Variants in NLRC5 observed in about 807,000 individuals in gnomAD.
The protein encoded by NLRC5 is NLR family CARD domain containing 5, also known as protein NLRC5.
In NLRC5, 114 loss-of-function variants were observed where a neutral mutation model predicts 206.9. That is an observed-to-expected ratio of 0.55 (90% confidence interval 0.47 to 0.64). NLRC5 has a LOEUF of 0.64. Among genes scored for constraint, NLRC5 ranks in the 30% least tolerant of loss-of-function variants. NLRC5 has a pLI of 0.00. For synonymous variants in NLRC5, 952 were observed against 962.8 expected (o/e 0.99, Z 0.21); for missense variants, 2,008 against 2,305.5 (o/e 0.87, Z 2.64).
Position 57,028,144 on chromosome 16 carries a change from G to A in NLRC5, c.2148G>A (p.Leu716=). Reference sequence around the variant, plus strand: ...GGAGCTTGCCGACAATGGGGAGGCTGCAGATGCTGGGGTGAGCCAGGCCTT... The same window carrying A: ...GGAGCTTGCCGACAATGGGGAGGCTACAGATGCTGGGGTGAGCCAGGCCTT... ...LSRSLPTMGR[L]QMLGLAGSKI... Residue 716 remains leucine, a synonymous_variant, in exon 7 of 49, where the codon CTG becomes CTA. Transcript: ENST00000688547. 1.2e-6 allele frequency: 2 copies of A among 1,613,182 alleles called. No homozygotes were observed. Among genetic ancestry groups the A allele is most frequent in the Non-Finnish European group, 1.7e-6 (2 of 1,179,390 alleles).
In NLRC5 at chr16:57,025,485, T is replaced by C; in HGVS notation, c.542T>C (p.Leu181Pro). 1.2e-6 allele frequency: 2 copies of C among 1,613,186 alleles called. No homozygotes were observed. The highest frequency in any genetic ancestry group is 1.7e-6 in the Non-Finnish European group (2 of 1,179,510). The change falls in exon 6 of 49, where the codon CTG (leucine) becomes CCG (proline). Residue 181 changes from leucine to proline, a missense_variant. Transcript: ENST00000688547. ...AFHQVYVPPI[L>P]RRATASLDTP... ...CACCAGGTCTATGTCCCTCCAATCC[T>C]GCGCCGGGCCACAGCATCCTTAGAC...
chr16:57,026,969 C>T lies in NLRC5; in HGVS notation c.2026C>T (p.Pro676Ser). Reference protein sequence around the residue: ...HLDFDGCPLEPHCPEALVGCG... With the variant: ...HLDFDGCPLESHCPEALVGCG... ...GGATTTTGATGGCTGTCCCCTGGAG[C>T]CCCACTGCCCTGAGGCTCTGGTAGG... is the stretch of plus-strand genomic sequence containing the variant. Residue 676 changes from proline to serine, a missense_variant, in exon 6 of 49, where the codon CCC becomes TCC. Physicochemically the swap from Pro to Ser is moderately conservative, Grantham distance 74. Coordinates refer to ENST00000688547, the MANE Select transcript of NLRC5 (RefSeq NM_001384950.1). 1.2e-6 allele frequency: 2 copies of T among 1,614,156 alleles called. No individual in the cohort carries two copies. The highest frequency in any genetic ancestry group is 2.2e-5 in the South Asian group (2 of 91,084).
chr16:57,002,544 A>G (rs1354032994), intron 1 of NLRC5, among the ~76,000 whole-genome samples: 1 of 152,202 alleles, frequency 6.6e-6, no homozygotes, highest in African/African-American at 2.4e-5. Context: ...ATAGTAGTGC[A>G]GATATCTCTT....
Position 57,074,610 on chromosome 16 carries a change from C to T in NLRC5, c.4678C>T (p.Leu1560Phe). 6.2e-7 allele frequency: 1 copy of T among 1,613,974 alleles called. No homozygotes were observed. Among genetic ancestry groups the T allele is most frequent in the Non-Finnish European group, 8.5e-7 (1 of 1,179,844 alleles). ...WMLKRLDLSH[L>F]LLNSSTLALL... Reference sequence around the variant, plus strand: ...CCTCCTCTTCTCCAGCCTCAGTCACCTTCTGCTGAACAGCTCCACCTTGGC... The same window carrying T: ...CCTCCTCTTCTCCAGCCTCAGTCACTTTCTGCTGAACAGCTCCACCTTGGC... The change falls in exon 39 of 49, where the codon CTT becomes TTT. Residue 1560 changes from leucine to phenylalanine, a missense_variant. Leu to Phe is a conservative substitution (Grantham distance 22). Coordinates refer to ENST00000688547, the MANE Select transcript of NLRC5 (RefSeq NM_001384950.1).
intron 1 of NLRC5, among the ~76,000 whole-genome samples, chr16:57,007,936 T>C (rs1175699174): frequency 6.6e-6 from 1 of 152,248 alleles, no homozygotes; most frequent in Non-Finnish European, 1.5e-5. Flanking sequence ...CAATTTGTCA[T>C]CTGGCTTTTG....
At chr16:57,060,388 C>T (rs1299485858) in intron 30 of NLRC5, among the ~76,000 whole-genome samples, 1 of 151,692 alleles carries the variant, frequency 6.6e-6, no homozygotes, top group African/African-American at 2.4e-5. Flanking sequence ...TACACACCAA[C>T]CCATATACCA....
chr16:57,046,746 A>C lies in NLRC5; in HGVS notation c.3338+105A>C, dbSNP rs536007978. Reference sequence around the variant, plus strand: ...AGGGCTGGGGATTGGGATAGAGGGAAGAGAGGGAGTTTAAGAGAAAAGGAA... The same window carrying C: ...AGGGCTGGGGATTGGGATAGAGGGACGAGAGGGAGTTTAAGAGAAAAGGAA... On this transcript the variant is annotated intron_variant, in intron 22 of 48. Coordinates refer to ENST00000688547, the MANE Select transcript of NLRC5 (RefSeq NM_001384950.1). The C allele has an allele frequency of 3.0e-5, 27 of 897,306 alleles. No homozygotes were observed. The African/African-American group carries it at 4.2e-4, about 14-fold the overall frequency. 55.6% of individuals were successfully genotyped at this position (897,306 alleles called of 1,614,324 possible).
At chr16:57,076,413 C>T (rs1567646683) in intron 39 of NLRC5, among the ~76,000 whole-genome samples, 1 of 152,240 alleles carries the variant, frequency 6.6e-6, no homozygotes, top group Non-Finnish European at 1.5e-5. Flanking sequence ...ACATATGCCC[C>T]TGAGAACTGA....
chr16:56,999,970 G>A (rs1364932332), intron 1 of NLRC5, among the ~76,000 whole-genome samples: 1 of 149,514 alleles, frequency 6.7e-6, no homozygotes, highest in Non-Finnish European at 1.5e-5. Flanking sequence ...GCCAGTGCCT[G>A]CGTTCTACCT....
At chr16:57,080,481 ATTTT>A (rs34595999) in intron 46 of NLRC5, among the ~76,000 whole-genome samples, 7 of 111,168 alleles carry the variant, frequency 6.3e-5, no homozygotes, top group African/African-American at 2.0e-4. Flanking sequence ...TCCTTTCAAG[ATTTT>A]TTTTTTTTTT....
At chr16:56,998,558 C>T (rs902709710) in intron 1 of NLRC5, among the ~76,000 whole-genome samples, 8 of 152,156 alleles carry the variant, frequency 5.3e-5, no homozygotes, top group Middle Eastern at 3.2e-3. Flanking sequence ...ATGTAACTGG[C>T]CTGGCGTCAC....
intron 20 of NLRC5, among the ~76,000 whole-genome samples, chr16:57,044,789 G>T (rs1448537196): frequency 1.3e-5 from 2 of 151,848 alleles, no homozygotes; most frequent in African/African-American, 4.8e-5. Flanking sequence ...AAGCGTGATG[G>T]CATGCACCTA....
intron 14 of NLRC5, 112 bp downstream of exon 14, chr16:57,036,295 C>A (rs1425749670): frequency 1.0e-6 from 1 of 952,866 alleles, no homozygotes; most frequent in African/African-American, 1.6e-5. Flanking sequence ...CCCCTGCTTC[C>A]TCCCAACTCC....
At chr16:57,029,906 A>T in intron 9 of NLRC5, 50 bp downstream of exon 9, 1 of 1,607,880 alleles carries the variant, frequency 6.2e-7, no homozygotes. Flanking sequence ...TCTATACCTG[A>T]TTCACCCCAC....
Position 57,060,024 on chromosome 16 carries a change from GTTATTA to G in NLRC5, c.3986+521_3986+526del, listed in dbSNP as rs3995823. On this transcript the variant is annotated intron_variant, in intron 30 of 48. Transcript: ENST00000688547. ...AGTGCTGTCAGCAGTTATTGTAACT[GTTATTA>G]TTATTATTATTATTATTATTATTAT... Among the ~76,000 whole-genome samples the G allele has an allele frequency of 1.9e-3, 271 of 144,756 alleles. 1 individual carries two copies. Among genetic ancestry groups the G allele is most frequent in the African/African-American group, 5.3e-3 (209 of 39,500 alleles). 95.0% of individuals were successfully genotyped at this position (144,756 alleles called of 152,430 possible).
intron 15 of NLRC5, among the ~76,000 whole-genome samples, chr16:57,038,307 G>A (rs1166936016): frequency 2.0e-5 from 3 of 152,152 alleles, no homozygotes; most frequent in Non-Finnish European, 4.4e-5. Context: ...TACCAAGGCT[G>A]GAGTACAGTG....
intron 27 of NLRC5, 44 bp downstream of exon 27, chr16:57,055,563 G>C (rs756517015): frequency 7.3e-6 from 11 of 1,514,278 alleles, no homozygotes; most frequent in Middle Eastern, 1.7e-4. Context: ...ATGGACGCAT[G>C]CCTGAGGGGC....
At chr16:57,053,013 T>C (rs1489462278) in intron 24 of NLRC5, 1 of 152,246 alleles carries the variant, frequency 6.6e-6, no homozygotes, top group East Asian at 1.9e-4. Flanking sequence ...GTGGCCCTAC[T>C]GTGGGCCAGG....
chr16:57,071,416 G>A (rs2067741568), intron 38 of NLRC5, among the ~76,000 whole-genome samples: 2 of 143,870 alleles, frequency 1.4e-5, no homozygotes, highest in African/African-American at 5.2e-5. Flanking sequence ...TTGTGAGTGA[G>A]TGGTGATGGT....
Sources: gnomAD v4.1 joint callset for allele counts (sites outside exome capture counted in the v4.1 genomes callset) on GRCh38, gnomAD v4.1.1 for gene constraint, MANE v1.5 for transcripts, NCBI Gene and HGNC (gene_info 2026-07-23, HGNC 2026-07-21) for gene names.